The following HEMK2 variants were observed in gnomAD, a reference collection of about 807,000 sequenced individuals.
HEMK2 encodes the protein HemK methyltransferase 2, ETF1 glutamine and histone H4 lysine, also known as methyltransferase HEMK2.
the HEMK2 span, among the ~76,000 whole-genome samples, chr21:28,714,542 G>C: frequency 2.0e-5 from 3 of 152,160 alleles, no homozygotes; most frequent in East Asian, 5.8e-4. Flanking sequence ...TAACACTTCA[G>C]GTTAAAGGAA....
chr21:28,797,442 C>CA, the HEMK2 span, among the ~76,000 whole-genome samples: 589 of 127,058 alleles, frequency 4.6e-3, 2 homozygotes, highest in African/African-American at 6.0e-3. Flanking sequence ...CCAAAAAAAA[C>CA]AAAAAAAAAA....
the HEMK2 span, among the ~76,000 whole-genome samples, chr21:28,638,361 G>C: frequency 6.6e-6 from 1 of 152,110 alleles, no homozygotes; most frequent in Admixed American, 6.5e-5. Flanking sequence ...GGAAGGAGGA[G>C]CACGGTGCAC....
chr21:28,791,903 G>A, the HEMK2 span, among the ~76,000 whole-genome samples: 1 of 152,130 alleles, frequency 6.6e-6, no homozygotes, highest in African/African-American at 2.4e-5. Context: ...ACAAGATACA[G>A]GTCATAAAGA....
At chr21:28,781,256 C>T in the HEMK2 span, among the ~76,000 whole-genome samples, 4 of 152,152 alleles carry the variant, frequency 2.6e-5, no homozygotes, top group Non-Finnish European at 5.9e-5. Context: ...TCAAAGTACT[C>T]CCTGAAAATT....
the HEMK2 span, among the ~76,000 whole-genome samples, chr21:28,821,317 C>T: frequency 5.3e-5 from 8 of 152,248 alleles, no homozygotes; most frequent in South Asian, 1.0e-3. Flanking sequence ...TCTGAATCTC[C>T]GCTGCCCCAC....
the HEMK2 span, among the ~76,000 whole-genome samples, chr21:28,717,966 T>G: frequency 6.6e-6 from 1 of 152,324 alleles, no homozygotes; most frequent in South Asian, 2.1e-4. Context: ...TCTGTTCTGG[T>G]AGCTTTTTAG....
At chr21:28,716,094 G>A in the HEMK2 span, among the ~76,000 whole-genome samples, 6 of 150,430 alleles carry the variant, frequency 4.0e-5, no homozygotes, top group South Asian at 2.1e-4. Flanking sequence ...AGCTTTATTC[G>A]TTTGCTTAGG....
the HEMK2 span, among the ~76,000 whole-genome samples, chr21:28,651,964 T>C: frequency 6.6e-6 from 1 of 152,224 alleles, no homozygotes; most frequent in Admixed American, 6.5e-5. Context: ...AAGCGTGGAA[T>C]AGAAAATTAA....
chr21:28,818,273 C>T, the HEMK2 span, among the ~76,000 whole-genome samples: 34 of 152,252 alleles, frequency 2.2e-4, no homozygotes, highest in Non-Finnish European at 3.8e-4. Context: ...CCAAGTTTTT[C>T]CGCTTTGGGA....
the HEMK2 span, among the ~76,000 whole-genome samples, chr21:28,748,092 C>T: frequency 2.6e-5 from 4 of 152,252 alleles, 1 homozygote; most frequent in South Asian, 2.1e-4. Context: ...AAGATGGTAA[C>T]GATGCTGAGG....
chr21:28,599,665 T>G, the HEMK2 span, among the ~76,000 whole-genome samples: 3 of 152,110 alleles, frequency 2.0e-5, no homozygotes, highest in Non-Finnish European at 4.4e-5. Context: ...ACCAAAGTCT[T>G]AACTAATTTC....
At chr21:28,854,186 A>G in the HEMK2 span, among the ~76,000 whole-genome samples, 2 of 152,142 alleles carry the variant, frequency 1.3e-5, no homozygotes, top group African/African-American at 4.8e-5. Flanking sequence ...CATATGATCA[A>G]AGGTATTAAG....
the HEMK2 span, among the ~76,000 whole-genome samples, chr21:28,621,637 C>T: frequency 6.6e-6 from 1 of 151,956 alleles, no homozygotes; most frequent in Non-Finnish European, 1.5e-5. Context: ...GAATTAAGAG[C>T]AATGTTTTGG....
the HEMK2 span, among the ~76,000 whole-genome samples, chr21:28,824,470 G>A: frequency 6.6e-6 from 1 of 152,158 alleles, no homozygotes; most frequent in African/African-American, 2.4e-5. Context: ...GCAAGAAACA[G>A]TTTTTACAGA....
chr21:28,705,297 G>T, the HEMK2 span, among the ~76,000 whole-genome samples: 4 of 151,538 alleles, frequency 2.6e-5, no homozygotes, highest in South Asian at 2.1e-4. Context: ...GAATTTCATT[G>T]ATTTGAATAA....
chr21:28,867,786 T>A, the HEMK2 span, among the ~76,000 whole-genome samples: 1 of 152,224 alleles, frequency 6.6e-6, no homozygotes, highest in Non-Finnish European at 1.5e-5. Flanking sequence ...TAATGCCTTT[T>A]GACGAACAAA....
chr21:28,608,055 G>A, the HEMK2 span, among the ~76,000 whole-genome samples: 2 of 152,160 alleles, frequency 1.3e-5, no homozygotes, highest in African/African-American at 4.8e-5. Flanking sequence ...CAAGACTTGA[G>A]CTGCAGGACC....
the HEMK2 span, among the ~76,000 whole-genome samples, chr21:28,752,712 C>A: frequency 6.6e-6 from 1 of 152,176 alleles, no homozygotes. Context: ...AGTCTCTGCA[C>A]CACGTCCTCA....
chr21:28,686,841 C>A, the HEMK2 span, among the ~76,000 whole-genome samples: 1 of 152,154 alleles, frequency 6.6e-6, no homozygotes, highest in Non-Finnish European at 1.5e-5. Context: ...GGCCTTCGTG[C>A]ATTTTTATAC....
Sources: allele counts gnomAD v4.1 joint callset (sites outside exome capture counted in the v4.1 genomes callset), GRCh38; gene constraint gnomAD v4.1.1; transcripts MANE v1.5; gene names NCBI Gene and HGNC (gene_info 2026-07-23, HGNC 2026-07-21).